CRACD: variants seen among roughly 807,000 people sequenced by gnomAD.
CRACD encodes capping protein inhibiting regulator of actin dynamics.
In CRACD, 56 loss-of-function variants were observed where a neutral mutation model predicts 106.8. The ratio of observed to expected loss-of-function variants is 0.52; its 90% CI spans 0.42 to 0.66. The LOEUF (loss-of-function observed/expected upper bound fraction) is 0.66, where lower values mean the gene tolerates loss of function less well. Ranked by LOEUF, CRACD falls within the 30% of genes least tolerant of loss-of-function variation. The pLI, the probability that CRACD is intolerant of heterozygous loss-of-function variation, is 0.00. For synonymous variants in CRACD, 754 were observed against 670.8 expected, an observed-to-expected ratio of 1.12 and a Z score of -1.92; for missense variants, 1,730 against 1,623.2, an observed-to-expected ratio of 1.07 and a Z score of -1.13.
chr4:56,097,794 G>C (rs767440599), intron 1 of CRACD, among the ~76,000 whole-genome samples: 18 of 152,144 alleles, frequency 1.2e-4, no homozygotes, highest in Non-Finnish European at 2.6e-4. Flanking sequence ...AAAAGGAAGG[G>C]ATAGAGAACA....
intron 2 of CRACD, among the ~76,000 whole-genome samples, chr4:56,214,681 C>CTCTCTCTCTCTCTATATATATATATA: frequency 1.2e-4 from 10 of 80,992 alleles, no homozygotes; most frequent in African/African-American, 3.4e-4. Context: ...CTCTCTCTCT[C>CTCTCTCTCTCTCTATATATATATATA]TATATATATA....
intron 1 of CRACD, among the ~76,000 whole-genome samples, chr4:56,087,453 C>T (rs1463640740): frequency 1.3e-5 from 2 of 152,200 alleles, no homozygotes; most frequent in Non-Finnish European, 2.9e-5. Context: ...CTTGGATCTT[C>T]CTCTCGCTTC....
intron 3 of CRACD, among the ~76,000 whole-genome samples, chr4:56,281,503 C>T (rs754471): frequency 0.24 from 36,427 of 152,048 alleles, 5,079 homozygotes; most frequent in South Asian, 0.41. Context: ...GTGTCTCACT[C>T]GAGAGCTGTG....
At chr4:56,089,376 G>A (rs73817331) in intron 1 of CRACD, among the ~76,000 whole-genome samples, 3,618 of 152,246 alleles carry the variant, frequency 0.024, 139 homozygotes, top group African/African-American at 0.082. Context: ...TTGTTTTTCT[G>A]AGCCCTATCA....
intron 3 of CRACD, among the ~76,000 whole-genome samples, chr4:56,286,924 G>A (rs1743402440): frequency 6.6e-6 from 1 of 152,156 alleles, no homozygotes; most frequent in African/African-American, 2.4e-5. Flanking sequence ...CCTAACCATT[G>A]CTGCTGGCAT....
Position 56,327,712 on chromosome 4 carries a change from G to C in CRACD, c.3610G>C (p.Asp1204His). Residue 1204 changes from aspartate to histidine, a missense_variant, in exon 11 of 11, where the codon GAT becomes CAT. Transcript: ENST00000682029. ...KEVTKRFSTP[D>H]AAPVSTEPAW... ...AGTCACCAAGAGGTTTTCCACCCCG[G>C]ATGCTGCCCCCGTGTCAACAGAACC... is the stretch of plus-strand genomic sequence containing the variant. 6.2e-7 allele frequency: 1 copy of C among 1,614,100 alleles called. No homozygotes were observed. The highest frequency in any genetic ancestry group is 1.1e-5 in the South Asian group (1 of 91,078).
chr4:56,074,614 C>T (rs1408944275), intron 1 of CRACD, among the ~76,000 whole-genome samples: 1 of 152,282 alleles, frequency 6.6e-6, no homozygotes, highest in East Asian at 1.9e-4. Context: ...TCTAAATATA[C>T]AATCATGTCA....
At chr4:56,187,238 T>A (rs13104333) in intron 2 of CRACD, among the ~76,000 whole-genome samples, 35,834 of 151,658 alleles carry the variant, frequency 0.24, 5,248 homozygotes, top group Non-Finnish European at 0.32. Flanking sequence ...TTTGAGAGAG[T>A]TTTGCACAGA....
intron 1 of CRACD, among the ~76,000 whole-genome samples, chr4:56,160,430 C>T (rs1027448713): frequency 1.3e-5 from 2 of 152,042 alleles, no homozygotes; most frequent in African/African-American, 2.4e-5. Flanking sequence ...ACAGTCTGCC[C>T]GCCTCAGCCT....
chr4:56,158,839 A>G (rs1735847584), intron 1 of CRACD, among the ~76,000 whole-genome samples: 1 of 152,262 alleles, frequency 6.6e-6, no homozygotes, highest in Non-Finnish European at 1.5e-5. Context: ...CTTAGAGCAC[A>G]ACATTTTCAG....
intron 1 of CRACD, among the ~76,000 whole-genome samples, chr4:56,147,765 A>G (rs1161487311): frequency 2.0e-5 from 3 of 152,158 alleles, no homozygotes; most frequent in African/African-American, 7.2e-5. Context: ...CCAGCAATAT[A>G]TGAGGGTTAT....
rs527663341 is a variant in CRACD, at chr4:56,079,812, C to T, written c.-336+30513C>T. ...AATTGTAAAAAACTTCAATGAAAACCGTGCAGTAGCAGATCTGTCTTTTTT... is the reference window on the plus strand; with the variant it reads ...AATTGTAAAAAACTTCAATGAAAACTGTGCAGTAGCAGATCTGTCTTTTTT... On this transcript the variant is annotated intron_variant, in intron 1 of 10. Coordinates refer to ENST00000682029, the MANE Select transcript of CRACD (RefSeq NM_001393381.1). 1.4e-4 allele frequency among the ~76,000 whole-genome samples: 22 copies of T among 152,124 alleles called. 1 individual carries two copies. The South Asian group carries it at 4.4e-3, about 30-fold the overall frequency.
At chr4:56,125,915 G>A (rs1347268869) in intron 1 of CRACD, among the ~76,000 whole-genome samples, 1 of 151,754 alleles carries the variant, frequency 6.6e-6, no homozygotes, top group Non-Finnish European at 1.5e-5. Flanking sequence ...GGGATTACAG[G>A]TGCGTGCCAC....
At chr4:56,290,856 C>A (rs1482339876) in intron 3 of CRACD, among the ~76,000 whole-genome samples, 3 of 152,164 alleles carry the variant, frequency 2.0e-5, no homozygotes, top group African/African-American at 7.2e-5. Context: ...GGCTGTGATT[C>A]TTTTCTAGGC....
chr4:56,224,726 G>A (rs1739208640), intron 2 of CRACD, among the ~76,000 whole-genome samples: 1 of 151,984 alleles, frequency 6.6e-6, no homozygotes, highest in Non-Finnish European at 1.5e-5. Context: ...CTGTTTCTTT[G>A]GCTTAACCAT....
chr4:56,244,411 A>G (rs1740557895), intron 2 of CRACD, among the ~76,000 whole-genome samples: 1 of 152,212 alleles, frequency 6.6e-6, no homozygotes, highest in South Asian at 2.1e-4. Context: ...CATTTAGGAA[A>G]GAACATGATG....
chr4:56,159,720 A>T (rs920634292), intron 1 of CRACD, among the ~76,000 whole-genome samples: 5 of 152,208 alleles, frequency 3.3e-5, no homozygotes, highest in African/African-American at 1.2e-4. Context: ...ATGGTCCTAC[A>T]TAGTACCTAC....
At chr4:56,157,541 T>A (rs1735804684) in intron 1 of CRACD, among the ~76,000 whole-genome samples, 1 of 152,204 alleles carries the variant, frequency 6.6e-6, no homozygotes, top group Non-Finnish European at 1.5e-5. Context: ...TCTTGTCAGT[T>A]AGCTAGCAAA....
chr4:56,150,755 A>G (rs757224742), intron 1 of CRACD, among the ~76,000 whole-genome samples: 5 of 152,234 alleles, frequency 3.3e-5, no homozygotes, highest in Non-Finnish European at 4.4e-5. Context: ...AGTCCACTAC[A>G]TAAACAATCG....
Sources: allele counts gnomAD v4.1 joint callset (sites outside exome capture counted in the v4.1 genomes callset), GRCh38; gene constraint gnomAD v4.1.1; transcripts MANE v1.5; gene names NCBI Gene and HGNC (gene_info 2026-07-23, HGNC 2026-07-21).